The following PCDH7 variants were observed in gnomAD, a reference collection of about 807,000 sequenced individuals.
PCDH7 encodes the protein protocadherin-7.
In PCDH7, 17 loss-of-function variants were observed where a neutral mutation model predicts 58.9. The ratio of observed to expected loss-of-function variants is 0.29; its 90% confidence interval spans 0.20 to 0.43. The LOEUF is 0.43. PCDH7 is among the 20% of genes least tolerant of loss of function. The pLI, the probability that PCDH7 is intolerant of heterozygous loss-of-function variation, is 1.00. For synonymous variants in PCDH7, 664 were observed against 616.4 expected (o/e 1.08, Z -1.14); for missense variants, 1,274 against 1,441.0 (o/e 0.88, Z 1.88).
intron 1 of PCDH7, among the ~76,000 whole-genome samples, chr4:30,919,057 T>C (rs1490023144): frequency 6.6e-6 from 1 of 152,168 alleles, no homozygotes; most frequent in African/African-American, 2.4e-5. Flanking sequence ...ACTTTCATTA[T>C]TTTCTAGCAA....
At chr4:30,838,554 C>A (rs1272837124) in intron 1 of PCDH7, among the ~76,000 whole-genome samples, 3 of 152,114 alleles carry the variant, frequency 2.0e-5, no homozygotes, top group Non-Finnish European at 4.4e-5. Context: ...TGGAAGTGAT[C>A]TATCAGAAAG....
At chr4:30,735,870 A>G (rs1303584276), downstream of PCDH7, among the ~76,000 whole-genome samples, 2 of 152,162 alleles carry the variant, frequency 1.3e-5, no homozygotes, top group Non-Finnish European at 2.9e-5. Context: ...TTCGTGTGAA[A>G]AAGTAGGAAA....
chr4:31,134,693 T>C (rs1719385459), intron 3 of PCDH7, among the ~76,000 whole-genome samples: 2 of 152,174 alleles, frequency 1.3e-5, no homozygotes, highest in South Asian at 4.1e-4. Context: ...GTGGATTGAC[T>C]ACATGGTTTT....
At chr4:30,992,149 A>G (rs568824517) in intron 3 of PCDH7, among the ~76,000 whole-genome samples, 1 of 152,250 alleles carries the variant, frequency 6.6e-6, no homozygotes, top group Admixed American at 6.5e-5. Flanking sequence ...ATGAACTAGT[A>G]ATATAAAGCA....
chr4:31,017,662 A>C (rs2109163303), intron 3 of PCDH7, among the ~76,000 whole-genome samples: 1 of 152,290 alleles, frequency 6.6e-6, no homozygotes, highest in South Asian at 2.1e-4. Flanking sequence ...ATGATCGTAT[A>C]ATGAAAGCAG....
At chr4:30,901,251 T>C (rs899469204) in intron 1 of PCDH7, among the ~76,000 whole-genome samples, 1 of 152,174 alleles carries the variant, frequency 6.6e-6, no homozygotes, top group Non-Finnish European at 1.5e-5. Context: ...ATAAGTCACA[T>C]TTACATTAAG....
chr4:31,134,471 A>G (rs987657807), intron 3 of PCDH7, among the ~76,000 whole-genome samples: 8 of 152,234 alleles, frequency 5.3e-5, no homozygotes, highest in African/African-American at 1.7e-4. Flanking sequence ...AAAACAAAAA[A>G]CAAACAAACA....
intron 3 of PCDH7, among the ~76,000 whole-genome samples, chr4:30,970,000 T>C (rs4235017): frequency 0.61 from 93,004 of 151,466 alleles, 29,789 homozygotes; most frequent in African/African-American, 0.81. Flanking sequence ...AATCAAGACT[T>C]AACAATCTGA....
chr4:30,793,184 C>A (rs1724351372), intron 1 of PCDH7, among the ~76,000 whole-genome samples: 1 of 152,040 alleles, frequency 6.6e-6, no homozygotes, highest in Non-Finnish European at 1.5e-5. Flanking sequence ...TTAGTCCTAC[C>A]TTAAGAGTGA....
At chr4:30,899,362 G>A (rs1161026880) in intron 1 of PCDH7, among the ~76,000 whole-genome samples, 1 of 152,084 alleles carries the variant, frequency 6.6e-6, no homozygotes, top group Non-Finnish European at 1.5e-5. Flanking sequence ...AATATTTTGT[G>A]TATCTGGAAA....
At chr4:30,922,099 T>C (rs1217195959) in intron 2 of PCDH7, among the ~76,000 whole-genome samples, 2 of 151,730 alleles carry the variant, frequency 1.3e-5, no homozygotes, top group Non-Finnish European at 2.9e-5. Flanking sequence ...GTGTATTACG[T>C]TACATATGTG....
chr4:30,831,222 A>G (rs181850606), intron 1 of PCDH7, among the ~76,000 whole-genome samples: 26 of 152,144 alleles, frequency 1.7e-4, no homozygotes, highest in African/African-American at 6.3e-4. Flanking sequence ...TCGTCTATTT[A>G]TGCCTGGACA....
At chr4:30,724,095 G>A (rs1425685510) in exon 1 of PCDH7, 2 of 1,613,868 alleles carry the variant, frequency 1.2e-6, no homozygotes, top group African/African-American at 2.7e-5. Flanking sequence ...TTATGACGGT[G>A]ATTCTAATCA....
chr4:30,724,253 A>G, exon 1 of PCDH7: 3 of 1,613,586 alleles, frequency 1.9e-6, no homozygotes, highest in Non-Finnish European at 2.5e-6. Flanking sequence ...AAAAAATCTA[A>G]GCAGCCTCTC....
At chr4:31,119,706 G>C (rs1483894897) in intron 3 of PCDH7, among the ~76,000 whole-genome samples, 1 of 152,140 alleles carries the variant, frequency 6.6e-6, no homozygotes, top group Non-Finnish European at 1.5e-5. Flanking sequence ...GATTCTTTCA[G>C]TGTGGGTTAT....
At chr4:31,048,828 A>C (rs1486765951) in intron 3 of PCDH7, among the ~76,000 whole-genome samples, 1 of 152,094 alleles carries the variant, frequency 6.6e-6, no homozygotes. Context: ...TCTTCCAAAC[A>C]ATCTGGAAAG....
chr4:31,056,421 A>G (rs1757174933), intron 3 of PCDH7, among the ~76,000 whole-genome samples: 1 of 134,918 alleles, frequency 7.4e-6, no homozygotes, highest in Non-Finnish European at 1.5e-5. Flanking sequence ...AGAAGGAAAG[A>G]AGGAAAGAAA....
At chr4:31,060,054 G>T (rs976909187) in intron 3 of PCDH7, among the ~76,000 whole-genome samples, 7 of 151,694 alleles carry the variant, frequency 4.6e-5, no homozygotes, top group South Asian at 4.1e-4. Flanking sequence ...GAAATGTAGA[G>T]TGTGCTGATT....
intron 3 of PCDH7, among the ~76,000 whole-genome samples, chr4:31,082,345 A>T (rs534405443): frequency 4.2e-4 from 64 of 152,342 alleles, no homozygotes; most frequent in African/African-American, 1.4e-3. Flanking sequence ...ACATGCATAT[A>T]AAAGGTCTGT....
Sources: gnomAD v4.1 joint callset for allele counts (sites outside exome capture counted in the v4.1 genomes callset) on GRCh38, gnomAD v4.1.1 for gene constraint, MANE v1.5 for transcripts, NCBI Gene and HGNC (gene_info 2026-07-23, HGNC 2026-07-21) for gene names.